STAU1: variants seen among roughly 807,000 people sequenced by gnomAD.
The protein encoded by STAU1 is staufen double-stranded RNA binding protein 1.
Under a neutral mutation model 62.9 loss-of-function variants are expected in STAU1, and 13 were observed. The observed-to-expected ratio is 0.21, with a 90% CI of 0.13 to 0.33. The LOEUF (loss-of-function observed/expected upper bound fraction) is 0.33. Ranked by LOEUF, STAU1 falls within the 10% of genes least tolerant of loss-of-function variation. STAU1 has a pLI of 1.00. For synonymous variants in STAU1, 269 were observed against 265.1 expected, an observed-to-expected ratio of 1.01 and a Z score of -0.14; for missense variants, 571 against 712.1, an observed-to-expected ratio of 0.80 and a Z score of 2.25.
chr20:49,161,835 T>TC (rs1460706135), intron 3 of STAU1, among the ~76,000 whole-genome samples: 1 of 152,128 alleles, frequency 6.6e-6, no homozygotes, highest in Non-Finnish European at 1.5e-5. Flanking sequence ...AGGAGTACAC[T>TC]CCCAGAGAAG....
rs111629234 is a variant in STAU1, at chr20:49,127,414, T to TA, written c.610-2828dup. On this transcript the variant is annotated intron_variant, in intron 6 of 13. Transcript: ENST00000371856. ...TGCTCATCAAAAGACATTTAAAAAGTAAAAAAGGGGGCCAGGTGCAGTGGC... is the reference window on the plus strand; with the variant it reads ...TGCTCATCAAAAGACATTTAAAAAGTAAAAAAAGGGGGCCAGGTGCAGTGGC... 1.4e-4 allele frequency among the ~76,000 whole-genome samples: 21 copies of TA among 147,558 alleles called. 2 individuals are homozygous for TA. The highest frequency in any genetic ancestry group is 5.3e-4 in the African/African-American group (21 of 39,912).
At chr20:49,200,755 G>C in the STAU1 span, among the ~76,000 whole-genome samples, 1 of 151,658 alleles carries the variant, frequency 6.6e-6, no homozygotes, top group Non-Finnish European at 1.5e-5. Flanking sequence ...AAAATTATAG[G>C]GACAGCAAAT....
At chr20:49,195,902 AAAAAAAAAAAAAAAAGAAAAAAG>A in the STAU1 span, among the ~76,000 whole-genome samples, 19 of 95,316 alleles carry the variant, frequency 2.0e-4, no homozygotes, top group East Asian at 6.0e-4. Flanking sequence ...TCCTCTCAAA[AAAAAAAAAAAAAAAAGAAAAAAG>A]AAAAAAAAAA....
chr20:49,160,479 A>G (rs1243425384), intron 3 of STAU1, among the ~76,000 whole-genome samples: 1 of 152,206 alleles, frequency 6.6e-6, no homozygotes, highest in Non-Finnish European at 1.5e-5. Flanking sequence ...TGCAAAAGAC[A>G]ACTCCGTATC....
In STAU1 at chr20:49,152,340, C is replaced by CTTTTT. The variant is rs3092547; in HGVS notation, c.345-598_345-594dup. On this transcript the variant is annotated intron_variant, in intron 4 of 13. Coordinates refer to ENST00000371856, the MANE Select transcript of STAU1 (RefSeq NM_017453.4). Reference sequence around the variant, plus strand: ...TTGCTCATCATCTATCCACTAATGTCTTTTTTTTTTTTTTTTTTTTGTGAG... The same window carrying CTTTTT: ...TTGCTCATCATCTATCCACTAATGTCTTTTTTTTTTTTTTTTTTTTTTTTTGTGAG... Among the ~76,000 whole-genome samples, 111 of 104,570 alleles carry CTTTTT rather than the reference C, an allele frequency of 1.1e-3. 4 individuals are homozygous for CTTTTT. Among genetic ancestry groups the CTTTTT allele is most frequent in the Non-Finnish European group, 1.4e-3 (78 of 54,876 alleles). 68.6% of individuals were successfully genotyped at this position (104,570 alleles called of 152,430 possible).
At chr20:49,132,667 G>A (rs1224524384) in intron 6 of STAU1, among the ~76,000 whole-genome samples, 2 of 152,170 alleles carry the variant, frequency 1.3e-5, no homozygotes, top group Admixed American at 6.5e-5. Flanking sequence ...GCTGAGGCAG[G>A]AGAATTGCTT....
the STAU1 span, among the ~76,000 whole-genome samples, chr20:49,217,594 A>AC: frequency 6.6e-6 from 1 of 151,246 alleles, no homozygotes; most frequent in South Asian, 2.1e-4. Flanking sequence ...GTTACCCAAG[A>AC]CCACACAGTA....
At chr20:49,150,826 C>A (rs1254538996) in intron 5 of STAU1, among the ~76,000 whole-genome samples, 2 of 152,138 alleles carry the variant, frequency 1.3e-5, no homozygotes. Flanking sequence ...AGGATGCTTA[C>A]TCTTGGCAAC....
At chr20:49,197,406 C>CTT in the STAU1 span, among the ~76,000 whole-genome samples, 2 of 139,362 alleles carry the variant, frequency 1.4e-5, no homozygotes, top group Admixed American at 7.2e-5. Context: ...TTTTTCTTTT[C>CTT]TTTTTTTTTT....
intron 1 of STAU1, among the ~76,000 whole-genome samples, chr20:49,175,646 ATTT>A (rs539276965): frequency 2.7e-5 from 4 of 150,686 alleles, no homozygotes; most frequent in Admixed American, 2.0e-4. Flanking sequence ...CGCCTGGCTA[ATTT>A]TTTTATTTTT....
chr20:49,138,762 G>A (rs2092945176), intron 5 of STAU1, among the ~76,000 whole-genome samples: 1 of 152,056 alleles, frequency 6.6e-6, no homozygotes, highest in African/African-American at 2.4e-5. Flanking sequence ...ACCTCCCAAA[G>A]TGTTGGGATT....
At chr20:49,156,176 CTGACTTGATG>C (rs1158074381) in intron 3 of STAU1, among the ~76,000 whole-genome samples, 2 of 152,220 alleles carry the variant, frequency 1.3e-5, no homozygotes, top group African/African-American at 2.4e-5. Context: ...TATTACCACA[CTGACTTGATG>C]TGACTCTAAA....
intron 1 of STAU1, among the ~76,000 whole-genome samples, chr20:49,186,447 A>C (rs914519763): frequency 2.6e-5 from 4 of 152,160 alleles, no homozygotes; most frequent in African/African-American, 9.7e-5. Context: ...ACTTTGCCGC[A>C]TGTGTGTTAA....
At position 49,114,735 on chromosome 20, in the gene STAU1, G is replaced by A. The variant is rs546246253; in HGVS notation, c.*143C>T. 5 of 790,762 alleles carry A rather than the reference G, an allele frequency of 6.3e-6. No individual in the cohort carries two copies. In the South Asian group the frequency reaches 7.9e-5, roughly 13 times the overall value. 49.0% of individuals were successfully genotyped at this position (790,762 alleles called of 1,614,324 possible). On this transcript the variant is annotated 3_prime_UTR_variant, in exon 14 of 14. Transcript: ENST00000371856. ...ACAGCCGCCTCCTTGTGTTTCTGTT[G>A]TCTTCCCTGCTGCTGCCCACATCCT...
chr20:49,173,748 T>C (rs1421548856), intron 2 of STAU1, among the ~76,000 whole-genome samples: 1 of 152,226 alleles, frequency 6.6e-6, no homozygotes, highest in Non-Finnish European at 1.5e-5. Flanking sequence ...TTTATCTGAA[T>C]GTTCACAAGC....
chr20:49,115,585 G>A (rs1287888123), intron 13 of STAU1, among the ~76,000 whole-genome samples, 197 bp downstream of exon 13: 1 of 152,184 alleles, frequency 6.6e-6, no homozygotes, highest in East Asian at 1.9e-4. Flanking sequence ...ACAGGTGTGA[G>A]CCGCTGTTCC....
At chr20:49,196,444 C>CAAAAAAAAAAA in the STAU1 span, among the ~76,000 whole-genome samples, 3 of 91,544 alleles carry the variant, frequency 3.3e-5, no homozygotes, top group Non-Finnish European at 4.8e-5. Flanking sequence ...CAAAACAAAA[C>CAAAAAAAAAAA]AAAAAAAAAA....
At chr20:49,133,792 ACAAGCCCTCGTACC>A (rs1428895390) in intron 6 of STAU1, among the ~76,000 whole-genome samples, 2 of 152,154 alleles carry the variant, frequency 1.3e-5, no homozygotes, top group Non-Finnish European at 2.9e-5. Flanking sequence ...AGAGGAACAA[ACAAGCCCTCGTACC>A]CAGGTGGGCC....
At chr20:49,122,672 C>T (rs1181100605) in intron 8 of STAU1, among the ~76,000 whole-genome samples, 2 of 152,094 alleles carry the variant, frequency 1.3e-5, no homozygotes, top group African/African-American at 4.8e-5. Flanking sequence ...AATCCCAGCA[C>T]TTTGGGAGGC....
Sources: allele counts gnomAD v4.1 joint callset (sites outside exome capture counted in the v4.1 genomes callset), GRCh38; gene constraint gnomAD v4.1.1; transcripts MANE v1.5; gene names NCBI Gene and HGNC (gene_info 2026-07-23, HGNC 2026-07-21).